NAV2: variants seen among roughly 807,000 people sequenced by gnomAD.
The protein encoded by NAV2 is neuron navigator 2.
In NAV2, 54 loss-of-function variants were observed where a neutral mutation model predicts 223.2. That is an observed-to-expected ratio of 0.24 (90% CI 0.19 to 0.30). The LOEUF is 0.30. Among genes scored for constraint, NAV2 ranks in the 10% least tolerant of loss-of-function variants. NAV2 has a pLI of 1.00. For synonymous variants in NAV2, 1,279 were observed against 1,239.3 expected, an observed-to-expected ratio of 1.03 and a Z score of -0.67; for missense variants, 2,806 against 3,147.5, an observed-to-expected ratio of 0.89 and a Z score of 2.60.
At chr11:19,399,912 A>G (rs1849614573) in intron 1 of NAV2, among the ~76,000 whole-genome samples, 1 of 152,186 alleles carries the variant, frequency 6.6e-6, no homozygotes, top group Admixed American at 6.5e-5. Context: ...CTGGGGTCAG[A>G]TGGGCTTCAG....
intron 1 of NAV2, among the ~76,000 whole-genome samples, chr11:19,535,423 C>A (rs1219481749): frequency 6.6e-6 from 1 of 152,180 alleles, no homozygotes; most frequent in East Asian, 1.9e-4. Context: ...GTTCACTCAC[C>A]AGCTCACAGC....
At chr11:19,810,883 C>G (rs16937189) in intron 1 of NAV2, among the ~76,000 whole-genome samples, 12 of 152,198 alleles carry the variant, frequency 7.9e-5, no homozygotes, top group Non-Finnish European at 1.8e-4. Context: ...CTTTTGTCAC[C>G]GTTTCCCTTT....
At chr11:19,949,397 G>A (rs550639930) in intron 10 of NAV2, among the ~76,000 whole-genome samples, 1 of 152,348 alleles carries the variant, frequency 6.6e-6, no homozygotes, top group African/African-American at 2.4e-5. Context: ...CCGGGCCTAT[G>A]AGATCTGGCC....
At chr11:19,854,328 A>G (rs1213830798) in intron 3 of NAV2, among the ~76,000 whole-genome samples, 1 of 152,214 alleles carries the variant, frequency 6.6e-6, no homozygotes, top group Non-Finnish European at 1.5e-5. Context: ...GAAACTGGTC[A>G]GGTCAGTGGA....
At chr11:20,049,965 G>A in intron 16 of NAV2, 64 bp downstream of exon 16, 1 of 1,519,370 alleles carries the variant, frequency 6.6e-7, no homozygotes, top group East Asian at 2.3e-5. Context: ...TCGTTGTCAA[G>A]CCAGATGTCT....
chr11:19,783,491 T>C (rs1180876478), intron 1 of NAV2, among the ~76,000 whole-genome samples: 1 of 152,176 alleles, frequency 6.6e-6, no homozygotes, highest in African/African-American at 2.4e-5. Context: ...AAGCCCTCCC[T>C]GACTTCTTAA....
chr11:19,847,732 T>G (rs1305328359), intron 3 of NAV2, among the ~76,000 whole-genome samples: 1 of 152,154 alleles, frequency 6.6e-6, no homozygotes, highest in Non-Finnish European at 1.5e-5. Flanking sequence ...AAGCTTACAG[T>G]GTTTGTCTTG....
intron 9 of NAV2, 98 bp from the exon 10 acceptor site, chr11:19,948,593 T>C: frequency 7.7e-7 from 1 of 1,303,346 alleles, no homozygotes; most frequent in Non-Finnish European, 1.0e-6. Context: ...CTATTTTATA[T>C]ATGAGGATTA....
At chr11:19,505,556 G>C (rs1292634739) in intron 1 of NAV2, 1 of 152,226 alleles carries the variant, frequency 6.6e-6, no homozygotes, top group Non-Finnish European at 1.5e-5. Flanking sequence ...GGTGGGTCGG[G>C]TCATGCAGAT....
intron 26 of NAV2, among the ~76,000 whole-genome samples, chr11:20,087,414 C>T (rs796484201): frequency 1.2e-4 from 19 of 152,184 alleles, no homozygotes; most frequent in African/African-American, 3.1e-4. Flanking sequence ...TTTCCAACCT[C>T]GAAGGGTTTG....
intron 1 of NAV2, among the ~76,000 whole-genome samples, chr11:19,618,135 T>C (rs971373073): frequency 6.6e-6 from 1 of 152,264 alleles, no homozygotes; most frequent in Non-Finnish European, 1.5e-5. Flanking sequence ...TTTTGTCTGA[T>C]TTTATTCTTT....
intron 24 of NAV2, 28 bp from the exon 25 acceptor site, chr11:20,080,036 T>G: frequency 6.2e-7 from 1 of 1,610,654 alleles, no homozygotes; most frequent in Non-Finnish European, 8.5e-7. Context: ...GGTTGGCAGC[T>G]GCTGAAACAC....
chr11:19,479,973 T>C lies in NAV2; in HGVS notation c.75+128946T>C, dbSNP rs116733273. On this transcript the variant is annotated intron_variant, in intron 1 of 37. Coordinates refer to the NAV2 transcript ENST00000360655. ...CAGATTGGCAAACTTGTTGTAAAAATAATTGGGGGGAAAACATAGTCACTC... is the reference window on the plus strand; with the variant it reads ...CAGATTGGCAAACTTGTTGTAAAAACAATTGGGGGGAAAACATAGTCACTC... Among the ~76,000 whole-genome samples the C allele has an allele frequency of 4.5e-3, 683 of 152,264 alleles. 8 individuals are homozygous for C. Among genetic ancestry groups the C allele is most frequent in the African/African-American group, 0.015 (644 of 41,574 alleles).
chr11:19,542,981 G>A (rs2044381781), intron 1 of NAV2, among the ~76,000 whole-genome samples: 1 of 147,330 alleles, frequency 6.8e-6, no homozygotes, highest in Non-Finnish European at 1.5e-5. Context: ...AGGTTTCCAT[G>A]TCACTGGTTG....
chr11:19,478,068 AGCCCTT>A (rs2042170871), intron 1 of NAV2, among the ~76,000 whole-genome samples: 1 of 152,234 alleles, frequency 6.6e-6, no homozygotes, highest in East Asian at 1.9e-4. Context: ...ATGCTCAAAG[AGCCCTT>A]ATACGGGTAA....
At chr11:19,919,702 A>G (rs1434229908) in intron 6 of NAV2, among the ~76,000 whole-genome samples, 1 of 152,246 alleles carries the variant, frequency 6.6e-6, no homozygotes, top group East Asian at 1.9e-4. Context: ...AGAAAGCCCA[A>G]TATTAGTAGA....
At chr11:19,904,520 G>A (rs1165819163) in intron 6 of NAV2, among the ~76,000 whole-genome samples, 1 of 152,156 alleles carries the variant, frequency 6.6e-6, no homozygotes, top group South Asian at 2.1e-4. Context: ...GCCAAAGTTT[G>A]CAGGGTCCAT....
chr11:19,371,250 A>AT (rs112684320), intron 1 of NAV2, among the ~76,000 whole-genome samples: 2,424 of 152,190 alleles, frequency 0.016, 64 homozygotes, highest in African/African-American at 0.055. Context: ...TATTATCTTG[A>AT]TTTTTTTCCA....
chr11:19,942,404 T>C (rs1158476432), intron 8 of NAV2, among the ~76,000 whole-genome samples: 1 of 152,190 alleles, frequency 6.6e-6, no homozygotes, highest in Non-Finnish European at 1.5e-5. Context: ...CATTTTGTGC[T>C]ATGTGCCATA....
Sources: gnomAD v4.1 joint callset for allele counts (sites outside exome capture counted in the v4.1 genomes callset) on GRCh38, gnomAD v4.1.1 for gene constraint, MANE v1.5 for transcripts, NCBI Gene and HGNC (gene_info 2026-07-23, HGNC 2026-07-21) for gene names.